CD109: variants seen among roughly 807,000 people sequenced by gnomAD.
The protein encoded by CD109 is CD109 molecule.
CD109 carries 149 observed loss-of-function variants against 165.8 expected under a neutral mutation model. The ratio of observed to expected loss-of-function variants is 0.90; its 90% CI spans 0.79 to 1.03. The LOEUF is 1.03. Ranked by LOEUF, CD109 falls within the 50% of genes least tolerant of loss-of-function variation. The pLI is 0.00. For synonymous variants in CD109, 585 were observed against 592.1 expected (o/e 0.99, Z 0.18); for missense variants, 1,712 against 1,677.8 (o/e 1.02, Z -0.36).
upstream of CD109, chr6:73,694,696 T>G (rs1298628940): frequency 1.3e-5 from 2 of 152,240 alleles, no homozygotes; most frequent in Non-Finnish European, 2.9e-5. Flanking sequence ...ACCTGCCAAG[T>G]CAGAGTCTGT....
intron 23 of CD109, among the ~76,000 whole-genome samples, chr6:73,802,695 CT>C (rs572988991): frequency 0.017 from 2,159 of 127,854 alleles, 27 homozygotes; most frequent in African/African-American, 0.045. Flanking sequence ...ATATCACAGG[CT>C]TTTTTTTTTT....
chr6:73,805,578 T>C (rs1366080296), intron 24 of CD109, among the ~76,000 whole-genome samples: 1 of 152,168 alleles, frequency 6.6e-6, no homozygotes, highest in Admixed American at 6.6e-5. Context: ...CCTTTACGGG[T>C]GTTGGGCTGG....
intron 3 of CD109, among the ~76,000 whole-genome samples, chr6:73,729,563 A>G (rs955344961): frequency 4.6e-5 from 7 of 151,480 alleles, no homozygotes; most frequent in Non-Finnish European, 8.8e-5. Context: ...TCTGTTGCCC[A>G]GGCTGGAGTG....
chr6:73,775,709 C>G (rs549171921), intron 15 of CD109, among the ~76,000 whole-genome samples: 2 of 152,202 alleles, frequency 1.3e-5, no homozygotes, highest in South Asian at 4.2e-4. Flanking sequence ...GTGTGTTGTT[C>G]CTCTCTATGT....
At chr6:73,715,341 T>C (rs1033088261) in intron 2 of CD109, among the ~76,000 whole-genome samples, 1 of 151,852 alleles carries the variant, frequency 6.6e-6, no homozygotes, top group Non-Finnish European at 1.5e-5. Flanking sequence ...GGTGGGAGGA[T>C]CACTCGAGCC....
chr6:73,724,121 T>A (rs1321061463), intron 3 of CD109, among the ~76,000 whole-genome samples: 1 of 152,212 alleles, frequency 6.6e-6, no homozygotes, highest in Non-Finnish European at 1.5e-5. Context: ...ATTTTGATAT[T>A]TTAAAATATT....
At chr6:73,753,326 T>C (rs1034386226) in intron 5 of CD109, among the ~76,000 whole-genome samples, 1 of 152,244 alleles carries the variant, frequency 6.6e-6, no homozygotes, top group African/African-American at 2.4e-5. Flanking sequence ...ATATATGGCA[T>C]AAATGGCTAT....
chr6:73,781,045 T>A (rs541046132), intron 16 of CD109, among the ~76,000 whole-genome samples: 7 of 150,462 alleles, frequency 4.7e-5, no homozygotes, highest in Admixed American at 2.0e-4. Context: ...TCGATGGGCA[T>A]GTGCGTGTGT....
At chr6:73,800,605 C>G (rs1192627589) in intron 23 of CD109, among the ~76,000 whole-genome samples, 2 of 152,138 alleles carry the variant, frequency 1.3e-5, no homozygotes, top group Non-Finnish European at 2.9e-5. Context: ...ACTTTTGAAT[C>G]TTAATGCTAA....
intron 5 of CD109, among the ~76,000 whole-genome samples, chr6:73,741,611 A>AT (rs1433123148): frequency 6.6e-6 from 1 of 152,168 alleles, no homozygotes; most frequent in Non-Finnish European, 1.5e-5. Flanking sequence ...ATCTCTAGGT[A>AT]TGTTATCTCT....
At chr6:73,694,948 G>C (rs1433937274), upstream of CD109, 1 of 152,248 alleles carries the variant, frequency 6.6e-6, no homozygotes, top group Non-Finnish European at 1.5e-5. Context: ...AAGGACATAA[G>C]GACCTTTGCA....
chr6:73,730,662 A>C, intron 4 of CD109, 88 bp downstream of exon 4: 1 of 783,558 alleles, frequency 1.3e-6, no homozygotes. Flanking sequence ...TGACACTGGA[A>C]TATTTTAGAA....
intron 20 of CD109, among the ~76,000 whole-genome samples, chr6:73,786,196 G>A (rs988090115): frequency 6.6e-6 from 1 of 152,082 alleles, no homozygotes. Flanking sequence ...TTGGATTCAC[G>A]TACCTTGTAT....
At position 73,827,271 on chromosome 6, in the gene CD109, G is replaced by T. The variant is rs867864522; in HGVS notation, c.*3638G>T. Reference sequence around the variant, plus strand: ...GCCATGATGTATTCTTGGGTGCATTGGTTTTTTGCGCATTGTAAATTTAAG... The same window carrying T: ...GCCATGATGTATTCTTGGGTGCATTTGTTTTTTGCGCATTGTAAATTTAAG... On this transcript the variant is annotated 3_prime_UTR_variant, in exon 33 of 33. Transcript: ENST00000287097. 2 of 151,972 alleles carry T rather than the reference G, an allele frequency of 1.3e-5. No individual in the cohort carries two copies. Among genetic ancestry groups the T allele is most frequent in the African/African-American group, 4.8e-5 (2 of 41,366 alleles). The allele number at this position is 151,972 out of a possible 1,614,324, so 9.4% of individuals were successfully genotyped here. A position where few individuals can be genotyped will look rare whatever the true frequency, so the allele number is the denominator to read the frequency against.
At chr6:73,730,677 C>T in intron 4 of CD109, 103 bp downstream of exon 4, 1 of 735,284 alleles carries the variant, frequency 1.4e-6, no homozygotes, top group Non-Finnish European at 2.2e-6. Context: ...TTAGAATTCA[C>T]CTAAGATAAG....
intron 26 of CD109, 71 bp from the exon 27 acceptor site, chr6:73,809,913 G>T: frequency 8.3e-7 from 1 of 1,199,888 alleles, no homozygotes; most frequent in Non-Finnish European, 1.2e-6. Context: ...GACCAGAGTA[G>T]GAATATTTAA....
At chr6:73,807,788 T>C (rs1409968293) in intron 25 of CD109, among the ~76,000 whole-genome samples, 1 of 152,196 alleles carries the variant, frequency 6.6e-6, no homozygotes, top group Non-Finnish European at 1.5e-5. Context: ...AGTTTGCTGT[T>C]CTTATCTGAG....
intron 15 of CD109, among the ~76,000 whole-genome samples, chr6:73,772,908 CTT>C (rs551899269): frequency 8.5e-5 from 12 of 141,438 alleles, no homozygotes; most frequent in Admixed American, 7.1e-5. Context: ...TTTTTGAAAA[CTT>C]TTTTTTTTTT....
chr6:73,762,961 C>A, intron 9 of CD109, 79 bp downstream of exon 9: 1 of 1,215,778 alleles, frequency 8.2e-7, no homozygotes, highest in Non-Finnish European at 1.1e-6. Context: ...CTGGCACTTT[C>A]ATTTGGGAGC....
Sources: gnomAD v4.1 joint callset for allele counts (sites outside exome capture counted in the v4.1 genomes callset) on GRCh38, gnomAD v4.1.1 for gene constraint, MANE v1.5 for transcripts, NCBI Gene and HGNC (gene_info 2026-07-23, HGNC 2026-07-21) for gene names.